Variants in CCDC138 observed in about 807,000 individuals in gnomAD.
CCDC138 encodes the protein coiled-coil domain-containing protein 138.
A neutral mutation model predicts 82.3 loss-of-function variants in CCDC138; 66 were observed. That is an observed-to-expected ratio of 0.80 (90% confidence interval 0.66 to 0.98). The LOEUF (loss-of-function observed/expected upper bound fraction) is 0.98. CCDC138 is among the 50% of genes least tolerant of loss of function. The pLI is 0.00. For missense variants in CCDC138, 816 were observed against 758.9 expected (o/e 1.08, Z -0.88); for synonymous variants, 297 against 265.4 (o/e 1.12, Z -1.16).
At chr2:108,833,873 G>A (rs1485244598) in intron 10 of CCDC138, among the ~76,000 whole-genome samples, 3 of 144,292 alleles carry the variant, frequency 2.1e-5, no homozygotes, top group Non-Finnish European at 3.0e-5. Flanking sequence ...GACTACAGGC[G>A]CCCGCTACCA....
At chr2:108,799,844 T>C (rs954306887) in intron 6 of CCDC138, among the ~76,000 whole-genome samples, 22 of 152,284 alleles carry the variant, frequency 1.4e-4, no homozygotes, top group African/African-American at 5.3e-4. Context: ...GATAGTTTCT[T>C]GATCCATCTT....
chr2:108,816,237 G>T, intron 10 of CCDC138, 132 bp downstream of exon 10: 2 of 629,148 alleles, frequency 3.2e-6, no homozygotes, highest in Non-Finnish European at 2.6e-6. Context: ...GATCACCTGA[G>T]GTCAGGAGTT....
intron 14 of CCDC138, 69 bp downstream of exon 14, chr2:108,873,658 T>C: frequency 8.8e-7 from 1 of 1,142,000 alleles, no homozygotes; most frequent in Non-Finnish European, 1.2e-6. Context: ...AACCAGGGGT[T>C]TTAATCTTTT....
intron 10 of CCDC138, among the ~76,000 whole-genome samples, chr2:108,827,263 T>C (rs1686769062): frequency 6.6e-6 from 1 of 152,156 alleles, no homozygotes; most frequent in African/African-American, 2.4e-5. Flanking sequence ...TTCAGTAAAG[T>C]ATCCAGTTGC....
intron 10 of CCDC138, among the ~76,000 whole-genome samples, chr2:108,838,678 A>G (rs530259264): frequency 6.6e-5 from 10 of 152,294 alleles, no homozygotes; most frequent in African/African-American, 7.2e-5. Flanking sequence ...TATGCATGCA[A>G]TGTAGACATA....
rs1468537381 is a variant in CCDC138, at chr2:108,824,688, ATTATC to A, written c.1206+8586_1206+8590del. On this transcript the variant is annotated intron_variant, in intron 10 of 14. Coordinates refer to ENST00000295124, the MANE Select transcript of CCDC138 (RefSeq NM_144978.3). ...TATGTAACCAGTAACATAGTCATTT[ATTATC>A]TTTATCAAGTAGTATGTACTGTACA... is the stretch of plus-strand genomic sequence containing the variant. 2.6e-5 allele frequency among the ~76,000 whole-genome samples: 4 copies of A among 152,172 alleles called. No individual in the cohort carries two copies. The East Asian group carries it at 7.7e-4, about 29-fold the overall frequency.
At chr2:108,823,233 C>T (rs780086597) in intron 10 of CCDC138, among the ~76,000 whole-genome samples, 11 of 152,224 alleles carry the variant, frequency 7.2e-5, no homozygotes, top group Non-Finnish European at 1.6e-4. Flanking sequence ...TAACACCCAT[C>T]CTCCTCATAT....
At chr2:108,807,090 G>C (rs1452197692) in intron 7 of CCDC138, among the ~76,000 whole-genome samples, 1 of 152,080 alleles carries the variant, frequency 6.6e-6, no homozygotes, top group Non-Finnish European at 1.5e-5. Flanking sequence ...AAATTAATAA[G>C]CATGTCAAAA....
At chr2:108,805,183 G>A (rs1682653036) in intron 7 of CCDC138, among the ~76,000 whole-genome samples, 175 bp downstream of exon 7, 1 of 151,794 alleles carries the variant, frequency 6.6e-6, no homozygotes, top group Non-Finnish European at 1.5e-5. Flanking sequence ...TAGCTCTTTG[G>A]TCTCTTCTCT....
chr2:108,812,347 G>T (rs1418497094), intron 7 of CCDC138, among the ~76,000 whole-genome samples: 1 of 152,054 alleles, frequency 6.6e-6, no homozygotes, highest in Admixed American at 6.6e-5. Flanking sequence ...AGATAACAGT[G>T]TACTTATTAA....
At chr2:108,875,433 A>G (rs953934444) in intron 14 of CCDC138, among the ~76,000 whole-genome samples, 3 of 152,136 alleles carry the variant, frequency 2.0e-5, no homozygotes, top group Non-Finnish European at 2.9e-5. Flanking sequence ...AAGATAAACC[A>G]ATATTCTGCC....
At chr2:108,858,913 T>C (rs925243416) in intron 13 of CCDC138, among the ~76,000 whole-genome samples, 2 of 152,184 alleles carry the variant, frequency 1.3e-5, no homozygotes, top group African/African-American at 2.4e-5. Context: ...CTTTATCTGA[T>C]CCACCACTGA....
chr2:108,835,094 G>T (rs1117424), intron 10 of CCDC138, among the ~76,000 whole-genome samples: 128,555 of 152,152 alleles, frequency 0.84, 55,005 homozygotes, highest in East Asian at 0.95. Context: ...CTGCAAATCT[G>T]TGTTGGAATG....
At chr2:108,787,177 G>A (rs1028959461) in intron 1 of CCDC138, among the ~76,000 whole-genome samples, 1 of 152,198 alleles carries the variant, frequency 6.6e-6, no homozygotes, top group Non-Finnish European at 1.5e-5. Context: ...GTGCTATTCA[G>A]CTTTTTTTTG....
At chr2:108,844,794 C>T (rs1479261097) in intron 11 of CCDC138, among the ~76,000 whole-genome samples, 2 of 149,272 alleles carry the variant, frequency 1.3e-5, no homozygotes, top group Non-Finnish European at 3.0e-5. Flanking sequence ...GTCATCCAGG[C>T]TGGAGAGCAG....
intron 7 of CCDC138, 52 bp from the exon 8 acceptor site, chr2:108,812,579 T>G: frequency 3.7e-6 from 5 of 1,353,568 alleles, no homozygotes; most frequent in Non-Finnish European, 5.3e-6. Flanking sequence ...ACCCTTAGTA[T>G]GAAACCAGTT....
chr2:108,802,946 A>G (rs1283127994), intron 6 of CCDC138, among the ~76,000 whole-genome samples: 2 of 152,126 alleles, frequency 1.3e-5, no homozygotes, highest in Non-Finnish European at 2.9e-5. Flanking sequence ...TGATTTGCGT[A>G]TATTGAACCA....
intron 11 of CCDC138, among the ~76,000 whole-genome samples, chr2:108,840,966 C>T (rs750397435): frequency 1.4e-4 from 22 of 151,898 alleles, no homozygotes; most frequent in Admixed American, 9.8e-4. Flanking sequence ...TGCCCACCAC[C>T]ACACCTGGCT....
intron 10 of CCDC138, among the ~76,000 whole-genome samples, chr2:108,832,801 G>A (rs1252700612): frequency 1.3e-5 from 2 of 152,164 alleles, no homozygotes; most frequent in Non-Finnish European, 2.9e-5. Flanking sequence ...TGCCTTAGTC[G>A]TGACGTGTAT....
Sources: allele counts gnomAD v4.1 joint callset (sites outside exome capture counted in the v4.1 genomes callset), GRCh38; gene constraint gnomAD v4.1.1; transcripts MANE v1.5; gene names NCBI Gene and HGNC (gene_info 2026-07-23, HGNC 2026-07-21).